KAT14: variants seen among roughly 807,000 people sequenced by gnomAD.
KAT14 encodes lysine acetyltransferase 14.
A neutral mutation model predicts 78.4 loss-of-function variants in KAT14; 66 were observed. The observed-to-expected ratio is 0.84, with a 90% CI of 0.69 to 1.03. The LOEUF (loss-of-function observed/expected upper bound fraction) is 1.03, where lower values mean the gene tolerates loss of function less well. Ranked by LOEUF, KAT14 falls within the 50% of genes least tolerant of loss-of-function variation. The pLI, the probability that KAT14 is intolerant of heterozygous loss-of-function variation, is 0.00. For missense variants in KAT14, 870 were observed against 972.5 expected (o/e 0.89, Z 1.40); for synonymous variants, 344 against 359.4 (o/e 0.96, Z 0.48).
chr20:18,180,540 C>T lies in KAT14; in HGVS notation c.1669-1170C>T, dbSNP rs574589077. ...TCCACATTTTCAGATATCTTTTCAG[C>T]AACACCCCACTCCTGGTACCAATTT... On this transcript the variant is annotated intron_variant, in intron 7 of 10. Coordinates refer to ENST00000688188, the MANE Select transcript of KAT14 (RefSeq NM_001392073.1). 4.2e-4 allele frequency among the ~76,000 whole-genome samples: 64 copies of T among 152,284 alleles called. 3 individuals carry two copies. The South Asian group carries it at 0.011, about 25-fold the overall frequency.
intron 1 of KAT14, among the ~76,000 whole-genome samples, chr20:18,139,633 C>CGTGTGT (rs71194228): frequency 0.03 from 4,199 of 141,594 alleles, 68 homozygotes; most frequent in Non-Finnish European, 0.039. Flanking sequence ...ACCAAAATAA[C>CGTGTGT]GTGTGTGTGT....
At position 18,183,299 on chromosome 20, in the gene KAT14, G is replaced by T; in HGVS notation, c.1981+1G>T. ...ATGTGTCAGGAGTTTTTTTGGCCTG[G>T]TATGTTCCCCCTCCCAAACCAGGCA... On this transcript the variant is annotated splice_donor_variant, in intron 9 of 10. Coordinates refer to ENST00000688188, the MANE Select transcript of KAT14 (RefSeq NM_001392073.1). LOFTEE classifies it high-confidence loss of function. The T allele has an allele frequency of 6.2e-7, 1 of 1,611,578 alleles. No individual in the cohort carries two copies.
At chr20:18,185,070 A>T (rs1209867247) in intron 10 of KAT14, among the ~76,000 whole-genome samples, 1 of 152,218 alleles carries the variant, frequency 6.6e-6, no homozygotes, top group Non-Finnish European at 1.5e-5. Context: ...TACCAAAAGC[A>T]AGAGCTTTAG....
chr20:18,169,043 G>T (rs1249477260), intron 7 of KAT14, among the ~76,000 whole-genome samples: 1 of 151,912 alleles, frequency 6.6e-6, no homozygotes, highest in Admixed American at 6.6e-5. Context: ...TTTACTGACA[G>T]ATCCTCAAGT....
At chr20:18,169,338 T>C (rs62205116) in intron 7 of KAT14, among the ~76,000 whole-genome samples, 14,501 of 152,310 alleles carry the variant, frequency 0.095, 837 homozygotes, top group Middle Eastern at 0.16. Context: ...GACAATCTTA[T>C]GTCGAGCAAG....
chr20:18,164,763 C>T (rs1425079856), intron 7 of KAT14, among the ~76,000 whole-genome samples: 1 of 151,870 alleles, frequency 6.6e-6, no homozygotes, highest in African/African-American at 2.4e-5. Context: ...ACTATAGGCA[C>T]ACACTACCAC....
intron 7 of KAT14, among the ~76,000 whole-genome samples, chr20:18,176,330 C>T (rs978287313): frequency 1.3e-5 from 2 of 150,346 alleles, no homozygotes; most frequent in African/African-American, 4.9e-5. Context: ...GTGCCAAGCG[C>T]TATTCTAGCA....
At chr20:18,182,863 G>T (rs750132427) in intron 8 of KAT14, among the ~76,000 whole-genome samples, 29 of 152,196 alleles carry the variant, frequency 1.9e-4, no homozygotes, top group Non-Finnish European at 2.9e-5. Flanking sequence ...ATCTGATGCT[G>T]TATCTGTTTC....
chr20:18,148,538 A>G (rs1465559208), intron 3 of KAT14, among the ~76,000 whole-genome samples: 2 of 152,176 alleles, frequency 1.3e-5, no homozygotes, highest in African/African-American at 4.8e-5. Flanking sequence ...TTGGTCCACA[A>G]GATCAGCCTC....
At position 18,162,046 on chromosome 20, in the gene KAT14, T is replaced by A. The variant is rs747130103; in HGVS notation, c.906T>A (p.Ile302=). ...FISRGRRPDV[I]LEKGEVIDFS... ...GCCGAGGCCGCAGGCCAGATGTGATTCTGGAAAAAGGCGAAGTGATTGACT... is the reference window on the plus strand; with the variant it reads ...GCCGAGGCCGCAGGCCAGATGTGATACTGGAAAAAGGCGAAGTGATTGACT... Residue 302 remains isoleucine (I), a synonymous_variant, in exon 6 of 11, where the codon ATT becomes ATA. Transcript: ENST00000688188. The A allele has an allele frequency of 6.2e-7, 1 of 1,614,232 alleles. No individual in the cohort carries two copies. The highest frequency in any genetic ancestry group is 8.5e-7 in the Non-Finnish European group (1 of 1,180,038).
chr20:18,185,407 G>A (rs534088212), intron 10 of KAT14, among the ~76,000 whole-genome samples: 1 of 152,040 alleles, frequency 6.6e-6, no homozygotes, highest in Non-Finnish European at 1.5e-5. Context: ...TCACTGTGTT[G>A]CCTGGTCTGT....
upstream of KAT14, among the ~76,000 whole-genome samples, chr20:18,137,297 A>T (rs1267139585): frequency 1.3e-5 from 2 of 151,274 alleles, no homozygotes; most frequent in Admixed American, 6.6e-5. Flanking sequence ...TCAAAATTAT[A>T]ATAATAATAA....
At chr20:18,179,543 C>T (rs1359505584) in intron 7 of KAT14, among the ~76,000 whole-genome samples, 3 of 152,166 alleles carry the variant, frequency 2.0e-5, no homozygotes, top group Non-Finnish European at 4.4e-5. Context: ...CCCTGTGAAA[C>T]CATGGGCCGA....
At chr20:18,187,225 C>T (rs1486646094) in intron 10 of KAT14, 61 bp from the exon 11 acceptor site, 13 of 1,528,436 alleles carry the variant, frequency 8.5e-6, no homozygotes, top group Non-Finnish European at 1.1e-5. Flanking sequence ...CGTTTCTTTA[C>T]CTACTCATTT....
intron 7 of KAT14, among the ~76,000 whole-genome samples, chr20:18,175,162 T>G (rs1205206): frequency 1.3e-5 from 2 of 151,900 alleles, no homozygotes; most frequent in African/African-American, 4.8e-5. Flanking sequence ...CTCCTCTCTT[T>G]TTCCCACAAT....
At chr20:18,142,101 G>A in intron 1 of KAT14, 107 bp from the exon 2 acceptor site, 1 of 1,179,456 alleles carries the variant, frequency 8.5e-7, no homozygotes, top group Non-Finnish European at 1.1e-6. Context: ...TTTGGAATCT[G>A]AAAGTTTTAA....
intron 2 of KAT14, among the ~76,000 whole-genome samples, chr20:18,144,775 C>T (rs2037759018): frequency 6.6e-6 from 1 of 152,142 alleles, no homozygotes; most frequent in African/African-American, 2.4e-5. Context: ...CATGGAGAAC[C>T]ACTGTGTTGT....
At chr20:18,154,249 A>C (rs763997728) in intron 4 of KAT14, among the ~76,000 whole-genome samples, 1 of 152,192 alleles carries the variant, frequency 6.6e-6, no homozygotes, top group African/African-American at 2.4e-5. Flanking sequence ...TTTAAGGTAC[A>C]CTTTTTTCAT....
chr20:18,142,555 T>G lies in KAT14; in HGVS notation c.-106T>G. 6.6e-7 allele frequency: 1 copy of G among 1,523,886 alleles called. No individual in the cohort carries two copies. Among genetic ancestry groups the G allele is most frequent in the Non-Finnish European group, 8.8e-7 (1 of 1,134,068 alleles). The allele number at this position is 1,523,886 out of a possible 1,614,324, so 94.4% of individuals were successfully genotyped here. On this transcript the variant is annotated 5_prime_UTR_variant, in exon 2 of 11. Coordinates refer to ENST00000688188, the MANE Select transcript of KAT14 (RefSeq NM_001392073.1). Reference sequence around the variant, plus strand: ...ATAAAGGAGTGTGGGCAGACACTTTTTGGAAGAGTCTGTCTGGGTGATCCT... The same window carrying G: ...ATAAAGGAGTGTGGGCAGACACTTTGTGGAAGAGTCTGTCTGGGTGATCCT...
Sources: allele counts gnomAD v4.1 joint callset (sites outside exome capture counted in the v4.1 genomes callset), GRCh38; gene constraint gnomAD v4.1.1; transcripts MANE v1.5; gene names NCBI Gene and HGNC (gene_info 2026-07-23, HGNC 2026-07-21).